The following CACNA1B variants were observed in gnomAD, a reference collection of about 807,000 sequenced individuals.
The protein encoded by CACNA1B is voltage-dependent N-type calcium channel subunit alpha-1B.
CACNA1B carries 70 observed loss-of-function variants against 247.2 expected under a neutral mutation model. The ratio of observed to expected loss-of-function variants is 0.28; its 90% CI spans 0.23 to 0.35. The LOEUF (loss-of-function observed/expected upper bound fraction) is 0.35. CACNA1B is among the 10% of genes least tolerant of loss of function. CACNA1B has a pLI of 1.00. For synonymous variants in CACNA1B, 1,231 were observed against 1,294.4 expected (o/e 0.95, Z 1.05); for missense variants, 2,367 against 3,197.4 (o/e 0.74, Z 6.26).
rs1268605297 is a variant in CACNA1B, at chr9:138,020,851, G to A, written c.2268-2160G>A. ...TGCAAGGGTGAGGGCAGAGCTATAT[G>A]GTCTGGAGCCCACCCCACCTTCACA... On this transcript the variant is annotated intron_variant, in intron 18 of 46. Coordinates refer to ENST00000371372, the MANE Select transcript of CACNA1B (RefSeq NM_000718.4). The surrounding 1 kb of genome is among the most constrained non-coding windows in gnomAD (Gnocchi z 4.1). 6.6e-6 allele frequency among the ~76,000 whole-genome samples: 1 copy of A among 152,232 alleles called. No homozygotes were observed. Among genetic ancestry groups the A allele is most frequent in the African/African-American group, 2.4e-5 (1 of 41,466 alleles).
chr9:138,036,640 A>T (rs1483022591), intron 20 of CACNA1B, among the ~76,000 whole-genome samples: 1 of 152,090 alleles, frequency 6.6e-6, no homozygotes, highest in East Asian at 1.9e-4. Flanking sequence ...CATTCGTCTA[A>T]ATTTTTTTTC....
At chr9:138,108,509 C>T (rs2131357898) in intron 39 of CACNA1B, among the ~76,000 whole-genome samples, 1 of 152,198 alleles carries the variant, frequency 6.6e-6, no homozygotes, top group Middle Eastern at 3.4e-3. Context: ...GGAATATTTT[C>T]CAACTTATTT....
In CACNA1B at chr9:138,100,955, A is replaced by G; in HGVS notation, c.5223-1756A>G. On this transcript the variant is annotated intron_variant, in intron 37 of 46. Coordinates refer to ENST00000371372, the MANE Select transcript of CACNA1B (RefSeq NM_000718.4). The surrounding 1 kb of genome is among the most constrained non-coding windows in gnomAD (Gnocchi z 4.6). ...CTCCCGGGGAGCTCCAAGCCCCAGTACCCCGGCGAGGTGCCACCTGTCCAG... is the reference window on the plus strand; with the variant it reads ...CTCCCGGGGAGCTCCAAGCCCCAGTGCCCCGGCGAGGTGCCACCTGTCCAG... 2 of 400,952 alleles carry G rather than the reference A, an allele frequency of 5.0e-6. No individual in the cohort carries two copies. Among genetic ancestry groups the G allele is most frequent in the South Asian group, 3.7e-5 (2 of 54,190 alleles). The allele number at this position is 400,952 out of a possible 1,614,324, so 24.8% of individuals were successfully genotyped here.
intron 6 of CACNA1B, among the ~76,000 whole-genome samples, chr9:137,930,729 G>T (rs1322191019): frequency 6.6e-6 from 1 of 152,012 alleles, no homozygotes; most frequent in Non-Finnish European, 1.5e-5. Flanking sequence ...TCTCTTTTCA[G>T]TTCTGTCAGT....
At chr9:138,064,489 C>A (rs1017494827) in intron 31 of CACNA1B, among the ~76,000 whole-genome samples, 2 of 152,230 alleles carry the variant, frequency 1.3e-5, no homozygotes, top group African/African-American at 4.8e-5. Flanking sequence ...CACTTACTTT[C>A]ATTCTTTTGA....
rs965501242 is a variant in CACNA1B, at chr9:138,057,987, T to C, written c.4107-62T>C. 6 of 1,570,086 alleles carry C rather than the reference T, an allele frequency of 3.8e-6. No individual in the cohort carries two copies. The African/African-American group carries it at 6.8e-5, about 18-fold the overall frequency. Reference sequence around the variant, plus strand: ...CAGACCCACCCTTGTGGTGCAGGTCTTGAGTTCTTAGGGCTGTCTCCTTTG... The same window carrying C: ...CAGACCCACCCTTGTGGTGCAGGTCCTGAGTTCTTAGGGCTGTCTCCTTTG... On this transcript the variant is annotated intron_variant, in intron 27 of 46. Coordinates refer to ENST00000371372, the MANE Select transcript of CACNA1B (RefSeq NM_000718.4). The surrounding 1 kb of genome is among the most constrained non-coding windows in gnomAD (Gnocchi z 4.0).
chr9:138,034,524 C>T (rs1334154998), intron 20 of CACNA1B, among the ~76,000 whole-genome samples: 4 of 149,588 alleles, frequency 2.7e-5, no homozygotes, highest in South Asian at 4.3e-4. Context: ...TTTTATATCT[C>T]GGTAGGCTGC....
At chr9:138,080,278 G>A (rs1960481590) in intron 36 of CACNA1B, among the ~76,000 whole-genome samples, 2 of 152,140 alleles carry the variant, frequency 1.3e-5, no homozygotes, top group African/African-American at 4.8e-5. Flanking sequence ...AGGGTGAGGG[G>A]CAATGCCACT....
rs934509451 is a variant in CACNA1B at position 138,115,586 on chromosome 9, C to G, written c.5684C>G (p.Ala1895Gly). The stretch of plus-strand genomic sequence containing the variant: ...GTGTCCCTGTTCCACCCTCTGAAGG[C>G]CACCCTGGAGCAGACACAGCCGGCT... ...GPVSLFHPLK[A>G]TLEQTQPAVL... Residue 1895 changes from alanine (A) to glycine (G), a missense_variant, in exon 42 of 47, where the codon GCC becomes GGC. Around this residue, in one of 12 missense-constraint regions of CACNA1B, gnomAD observed 773 missense variants for 779.4 expected, o/e 0.99. Coordinates refer to ENST00000371372, the MANE Select transcript of CACNA1B (RefSeq NM_000718.4). 3 of 1,613,550 alleles carry G rather than the reference C, an allele frequency of 1.9e-6. No homozygotes were observed. The African/African-American group carries it at 4.0e-5, about 22-fold the overall frequency.
At chr9:137,942,335 C>A (rs1421157987) in intron 6 of CACNA1B, among the ~76,000 whole-genome samples, 1 of 152,164 alleles carries the variant, frequency 6.6e-6, no homozygotes, top group African/African-American at 2.4e-5. Context: ...TAGATATTGG[C>A]ATGGATGCGG....
At chr9:138,116,535 T>G (rs953823713) in intron 42 of CACNA1B, among the ~76,000 whole-genome samples, 2 of 152,336 alleles carry the variant, frequency 1.3e-5, no homozygotes, top group Admixed American at 6.5e-5. Flanking sequence ...TGATTCTGAC[T>G]GTATGTGCAG....
rs1410916533 is a variant in CACNA1B, at chr9:137,882,200, G to A, written c.391-544G>A. 1.3e-5 allele frequency among the ~76,000 whole-genome samples: 2 copies of A among 152,202 alleles called. No individual in the cohort carries two copies. Among genetic ancestry groups the A allele is most frequent in the Non-Finnish European group, 2.9e-5 (2 of 68,046 alleles). On this transcript the variant is annotated intron_variant, in intron 2 of 46. Coordinates refer to ENST00000371372, the MANE Select transcript of CACNA1B (RefSeq NM_000718.4). The surrounding 1 kb of genome is among the most constrained non-coding windows in gnomAD (Gnocchi z 4.0). ...TTCAAGAAAGCCTGAGCTGTATCCA[G>A]GCAACCTTGTGCAGGTTCCCACCCA...
Position 137,984,196 on chromosome 9 carries a change from T to C in CACNA1B, c.1715T>C (p.Phe572Ser). 6.2e-7 allele frequency: 1 copy of C among 1,605,130 alleles called. No homozygotes were observed. The highest frequency in any genetic ancestry group is 8.5e-7 in the Non-Finnish European group (1 of 1,176,208). The change falls in exon 13 of 47, where the codon TTT (phenylalanine) becomes TCT (serine). Residue 572 changes from phenylalanine to serine, a missense_variant. Physicochemically the swap from Phe to Ser is radical, Grantham distance 155. Coordinates refer to ENST00000371372, the MANE Select transcript of CACNA1B (RefSeq NM_000718.4). ...GCGGCCATCAAGCCGGGAAGCTCCT[T>C]TGGGATCAGTGTGCTGCGGGCCCTC... ...VWAAIKPGSSFGISVLRALRL... is the reference protein window; with the variant it reads ...VWAAIKPGSSSGISVLRALRL...
Position 138,105,806 on chromosome 9 carries a change from A to G in CACNA1B, c.5427A>G (p.Pro1809=). The change falls in exon 39 of 47, where the codon CCA becomes CCG. Residue 1809 remains proline (P), a splice_region_variant and synonymous_variant. Coordinates refer to ENST00000371372, the MANE Select transcript of CACNA1B (RefSeq NM_000718.4). Reference sequence around the variant, plus strand: ...CGGCACTGGAGATCAAGCTGGCCCCAGGTGAGCAAGGCAGCCTCGGAAGGA... The same window carrying G: ...CGGCACTGGAGATCAAGCTGGCCCCGGGTGAGCAAGGCAGCCTCGGAAGGA... ...IRTALEIKLA[P]AGTKQHQCDA... is the part of the protein sequence containing the mutation. 2 of 1,524,408 alleles carry G rather than the reference A, an allele frequency of 1.3e-6. No individual in the cohort carries two copies. The highest frequency in any genetic ancestry group is 1.8e-6 in the Non-Finnish European group (2 of 1,123,698). 94.4% of individuals were successfully genotyped at this position (1,524,408 alleles called of 1,614,324 possible).
chr9:138,092,154 G>A (rs549469497), intron 36 of CACNA1B, among the ~76,000 whole-genome samples: 5 of 152,316 alleles, frequency 3.3e-5, no homozygotes, highest in East Asian at 1.9e-4. Context: ...GGCACTCATT[G>A]TCTTGATAAA....
At position 138,047,385 on chromosome 9, in the gene CACNA1B, C is replaced by T. The variant is rs931168230; in HGVS notation, c.3544-14C>T. 18 of 1,599,238 alleles carry T rather than the reference C, an allele frequency of 1.1e-5. No individual in the cohort carries two copies. The highest frequency in any genetic ancestry group is 3.3e-4 in the Middle Eastern group (2 of 6,032). ...CAGCCCAGCCTTTGAGAATAACCTT[C>T]CTTTTGGTTTCAGGCTCTGAAATAC... On this transcript the variant is annotated splice_polypyrimidine_tract_variant and intron_variant, in intron 22 of 46. Coordinates refer to ENST00000371372, the MANE Select transcript of CACNA1B (RefSeq NM_000718.4).
At chr9:137,894,669 A>C (rs1286055099) in intron 3 of CACNA1B, among the ~76,000 whole-genome samples, 4 of 152,040 alleles carry the variant, frequency 2.6e-5, no homozygotes, top group Non-Finnish European at 5.9e-5. Context: ...CGGCCTCCCA[A>C]AGTGCTGGGA....
intron 15 of CACNA1B, among the ~76,000 whole-genome samples, chr9:137,988,665 G>A (rs969863680): frequency 7.9e-5 from 12 of 152,230 alleles, no homozygotes; most frequent in Non-Finnish European, 1.5e-4. Context: ...AGTGGTGAGA[G>A]ACAGCAGAGA....
intron 3 of CACNA1B, among the ~76,000 whole-genome samples, chr9:137,886,858 C>T (rs1344639338): frequency 1.2e-4 from 18 of 152,196 alleles, no homozygotes; most frequent in African/African-American, 4.1e-4. Context: ...AGGGTGCAGG[C>T]CTGGAGGTGC....
Sources: gnomAD v4.1 joint callset for allele counts (sites outside exome capture counted in the v4.1 genomes callset) on GRCh38, gnomAD v4.1.1 for gene constraint, gnomAD v4.1.1 regional missense constraint, Gnocchi (gnomAD v3.1) non-coding constraint, MANE v1.5 for transcripts, NCBI Gene and HGNC (gene_info 2026-07-23, HGNC 2026-07-21) for gene names.